Variants in GPR176 observed in about 807,000 individuals in gnomAD.
The protein encoded by GPR176 is G protein-coupled receptor 176.
A neutral mutation model predicts 35.4 loss-of-function variants in GPR176; 26 were observed. The observed-to-expected ratio is 0.74, with a 90% CI of 0.54 to 1.02. The LOEUF (loss-of-function observed/expected upper bound fraction) is 1.02. GPR176 is among the 50% of genes least tolerant of loss of function. GPR176 has a pLI of 0.00. For missense variants in GPR176, 597 were observed against 665.3 expected, an observed-to-expected ratio of 0.90 and a Z score of 1.13; for synonymous variants, 278 against 271.3, an observed-to-expected ratio of 1.02 and a Z score of -0.24.
chr15:39,813,518 G>A (rs894121674), intron 1 of GPR176: 6 of 152,310 alleles, frequency 3.9e-5, no homozygotes, highest in Non-Finnish European at 8.8e-5. Context: ...CTGATAGTAA[G>A]TTTACTGACT....
At chr15:39,898,707 A>G (rs2033190381) in intron 1 of GPR176, among the ~76,000 whole-genome samples, 1 of 152,170 alleles carries the variant, frequency 6.6e-6, no homozygotes, top group African/African-American at 2.4e-5. Flanking sequence ...GGGAATGAGG[A>G]GCCAGGGCAG....
At chr15:39,874,135 C>T (rs747867270) in intron 1 of GPR176, among the ~76,000 whole-genome samples, 3 of 152,176 alleles carry the variant, frequency 2.0e-5, no homozygotes, top group Non-Finnish European at 2.9e-5. Flanking sequence ...AGGTGGGTGA[C>T]ACTTCAGAGT....
intron 1 of GPR176, among the ~76,000 whole-genome samples, chr15:39,860,179 C>A (rs1024478181): frequency 2.0e-5 from 3 of 152,136 alleles, no homozygotes; most frequent in African/African-American, 7.2e-5. Flanking sequence ...ACATGCTTTT[C>A]ATTAGTGGAT....
At chr15:39,915,433 G>GAC (rs2033701188) in intron 1 of GPR176, among the ~76,000 whole-genome samples, 1 of 152,116 alleles carries the variant, frequency 6.6e-6, no homozygotes, top group South Asian at 2.1e-4. Flanking sequence ...CTAATAACAT[G>GAC]ACATTGGGGA....
intron 1 of GPR176, among the ~76,000 whole-genome samples, chr15:39,880,986 C>T (rs2032452358): frequency 6.6e-6 from 1 of 152,146 alleles, no homozygotes; most frequent in Admixed American, 6.5e-5. Context: ...CTGTTTAAAA[C>T]CACTCCATGG....
chr15:39,810,437 G>T (rs1362286628), intron 1 of GPR176, among the ~76,000 whole-genome samples: 1 of 152,168 alleles, frequency 6.6e-6, no homozygotes, highest in Admixed American at 6.5e-5. Flanking sequence ...AGCTTTGGTT[G>T]TCCTTTTAAA....
chr15:39,854,064 C>T (rs1304942606), intron 1 of GPR176, among the ~76,000 whole-genome samples: 1 of 151,996 alleles, frequency 6.6e-6, no homozygotes, highest in African/African-American at 2.4e-5. Context: ...TATTTGCCAC[C>T]AGGAAACTAT....
intron 1 of GPR176, among the ~76,000 whole-genome samples, chr15:39,819,794 T>A (rs1378449938): frequency 6.6e-6 from 1 of 152,170 alleles, no homozygotes; most frequent in Non-Finnish European, 1.5e-5. Flanking sequence ...AAGGGTACGA[T>A]AATTAGAGGA....
chr15:39,807,605 T>C lies in GPR176; in HGVS notation c.173-347A>G. On this transcript the variant is annotated intron_variant, in intron 1 of 2. Coordinates refer to ENST00000561100, the MANE Select transcript of GPR176 (RefSeq NM_007223.3). Reference sequence around the variant, plus strand: ...AGTCTGCTCTTATCAAGTTTTCTAGTGACCTCCATGTTGCCAAACTCTGCA... The same window carrying C: ...AGTCTGCTCTTATCAAGTTTTCTAGCGACCTCCATGTTGCCAAACTCTGCA... The C allele has an allele frequency of 3.2e-6, 4 of 1,257,448 alleles. No individual in the cohort carries two copies. In the South Asian group the frequency reaches 5.1e-5, roughly 16 times the overall value. 77.9% of individuals were successfully genotyped at this position (1,257,448 alleles called of 1,614,324 possible).
chr15:39,890,024 T>C (rs908958373), intron 1 of GPR176, among the ~76,000 whole-genome samples: 8 of 152,224 alleles, frequency 5.3e-5, no homozygotes, highest in Non-Finnish European at 7.3e-5. Flanking sequence ...TGAATGATGA[T>C]ATTTTCATCA....
At chr15:39,865,481 T>C (rs951526597) in intron 1 of GPR176, among the ~76,000 whole-genome samples, 1 of 152,146 alleles carries the variant, frequency 6.6e-6, no homozygotes, top group South Asian at 2.1e-4. Flanking sequence ...TTCTTCCTTA[T>C]AAGTGCGAGT....
chr15:39,895,795 C>T (rs1325424308), intron 1 of GPR176, among the ~76,000 whole-genome samples: 2 of 152,084 alleles, frequency 1.3e-5, no homozygotes, highest in Non-Finnish European at 2.9e-5. Flanking sequence ...TAGGCCATAT[C>T]CTCCCAATGT....
chr15:39,871,644 C>G (rs892370465), intron 1 of GPR176, among the ~76,000 whole-genome samples: 1 of 152,190 alleles, frequency 6.6e-6, no homozygotes, highest in Non-Finnish European at 1.5e-5. Context: ...TCCTAATACT[C>G]TACTGTAGTT....
At chr15:39,917,804 T>C (rs897979245) in intron 1 of GPR176, among the ~76,000 whole-genome samples, 4 of 151,496 alleles carry the variant, frequency 2.6e-5, no homozygotes, top group African/African-American at 4.8e-5. Context: ...CCCAGCACTT[T>C]GGGAGGCCAA....
At chr15:39,906,786 C>T (rs1432965491) in intron 1 of GPR176, among the ~76,000 whole-genome samples, 1 of 152,230 alleles carries the variant, frequency 6.6e-6, no homozygotes, top group African/African-American at 2.4e-5. Flanking sequence ...CCCTAAGTCT[C>T]ATGCAAATCA....
intron 1 of GPR176, among the ~76,000 whole-genome samples, chr15:39,881,059 C>G (rs2032456260): frequency 6.6e-6 from 1 of 152,160 alleles, no homozygotes; most frequent in African/African-American, 2.4e-5. Flanking sequence ...CTTGTGGGAT[C>G]TAGTTTCTGC....
At chr15:39,831,996 A>G (rs1595460984) in intron 1 of GPR176, among the ~76,000 whole-genome samples, 1 of 60,092 alleles carries the variant, frequency 1.7e-5, no homozygotes, top group Non-Finnish European at 4.4e-5. Context: ...ATGTGCATGC[A>G]CACACACACA....
intron 1 of GPR176, among the ~76,000 whole-genome samples, chr15:39,895,811 T>G (rs1052921719): frequency 6.6e-6 from 1 of 152,226 alleles, no homozygotes; most frequent in Admixed American, 6.5e-5. Flanking sequence ...AATGTTATGA[T>G]GCAAATATAT....
At chr15:39,842,612 T>C (rs893508534) in intron 1 of GPR176, among the ~76,000 whole-genome samples, 2 of 151,966 alleles carry the variant, frequency 1.3e-5, no homozygotes, top group African/African-American at 2.4e-5. Flanking sequence ...CCCTTCCCCT[T>C]TCCACCATAA....
Sources: gnomAD v4.1 joint callset for allele counts (sites outside exome capture counted in the v4.1 genomes callset) on GRCh38, gnomAD v4.1.1 for gene constraint, MANE v1.5 for transcripts, NCBI Gene and HGNC (gene_info 2026-07-23, HGNC 2026-07-21) for gene names.